The following SGMS2 variants were observed in gnomAD, a reference collection of about 807,000 sequenced individuals.
The protein encoded by SGMS2 is phosphatidylcholine:ceramide cholinephosphotransferase 2.
Under a neutral mutation model 43.8 loss-of-function variants are expected in SGMS2, and 21 were observed. The ratio of observed to expected loss-of-function variants is 0.48; its 90% confidence interval spans 0.34 to 0.69. The LOEUF is 0.69. Among genes scored for constraint, SGMS2 ranks in the 30% least tolerant of loss-of-function variants. The pLI, the probability that SGMS2 is intolerant of heterozygous loss-of-function variation, is 0.01. For missense variants in SGMS2, 384 were observed against 443.2 expected (o/e 0.87, Z 1.20); for synonymous variants, 167 against 160.6 (o/e 1.04, Z -0.30).
intron 2 of SGMS2, among the ~76,000 whole-genome samples, chr4:107,865,022 T>C (rs1214450744): frequency 6.6e-6 from 1 of 152,226 alleles, no homozygotes. Context: ...TGTATTAACA[T>C]TATTCATAAA....
chr4:107,860,035 C>T (rs74530157), intron 2 of SGMS2, among the ~76,000 whole-genome samples: 2,099 of 151,914 alleles, frequency 0.014, 43 homozygotes, highest in African/African-American at 0.048. Flanking sequence ...TCATACATTT[C>T]GCATTCACAG....
At chr4:107,907,083 G>C (rs1308733837) in intron 5 of SGMS2, 1 of 152,180 alleles carries the variant, frequency 6.6e-6, no homozygotes, top group Non-Finnish European at 1.5e-5. Context: ...AAGACTGCAA[G>C]AGTAAGGCCT....
intron 1 of SGMS2, among the ~76,000 whole-genome samples, chr4:107,846,622 A>G (rs1726837877): frequency 6.6e-6 from 1 of 151,872 alleles, no homozygotes; most frequent in Non-Finnish European, 1.5e-5. Flanking sequence ...CTTTGGGTAT[A>G]TACCCAGTAA....
At chr4:107,840,270 A>G (rs1726424722) in intron 1 of SGMS2, among the ~76,000 whole-genome samples, 1 of 152,174 alleles carries the variant, frequency 6.6e-6, no homozygotes, top group Non-Finnish European at 1.5e-5. Context: ...TGATTTCCTC[A>G]TGTTATGTTT....
intron 2 of SGMS2, among the ~76,000 whole-genome samples, chr4:107,875,300 A>G (rs1240799637): frequency 1.3e-5 from 2 of 152,202 alleles, no homozygotes; most frequent in African/African-American, 2.4e-5. Flanking sequence ...TATGGTACAT[A>G]TATACCATGG....
chr4:107,827,208 A>G (rs1725642052), intron 1 of SGMS2, among the ~76,000 whole-genome samples: 1 of 152,212 alleles, frequency 6.6e-6, no homozygotes, highest in Admixed American at 6.5e-5. Flanking sequence ...ACCCACCTTT[A>G]GCGTGTTGTC....
intron 1 of SGMS2, among the ~76,000 whole-genome samples, chr4:107,828,237 A>G (rs1056886556): frequency 6.6e-6 from 1 of 152,060 alleles, no homozygotes; most frequent in Non-Finnish European, 1.5e-5. Flanking sequence ...AGATAACACA[A>G]ACAGCTAACG....
intron 1 of SGMS2, among the ~76,000 whole-genome samples, chr4:107,837,711 A>G (rs1726271344): frequency 1.3e-5 from 2 of 152,114 alleles, no homozygotes; most frequent in African/African-American, 2.4e-5. Flanking sequence ...AGCAGAAGCA[A>G]GGAGATGGTT....
chr4:107,898,090 T>C (rs552820863), intron 3 of SGMS2, among the ~76,000 whole-genome samples: 2 of 152,320 alleles, frequency 1.3e-5, no homozygotes, highest in Admixed American at 6.5e-5. Flanking sequence ...AACCTGAGGT[T>C]GGATCAAAGG....
chr4:107,896,418 A>C (rs1319870383), intron 3 of SGMS2, among the ~76,000 whole-genome samples: 1 of 152,158 alleles, frequency 6.6e-6, no homozygotes, highest in Non-Finnish European at 1.5e-5. Flanking sequence ...TTTTTTCTCC[A>C]TTACTCATAA....
At chr4:107,889,604 A>T (rs890311666) in intron 2 of SGMS2, among the ~76,000 whole-genome samples, 4 of 152,148 alleles carry the variant, frequency 2.6e-5, no homozygotes, top group Non-Finnish European at 4.4e-5. Context: ...CACAACATAT[A>T]AATGCATAGA....
chr4:107,862,971 T>C (rs754497029), intron 2 of SGMS2, among the ~76,000 whole-genome samples: 7 of 152,210 alleles, frequency 4.6e-5, no homozygotes, highest in Non-Finnish European at 8.8e-5. Context: ...ACCTAGAGCT[T>C]CTCGCTTATG....
intron 2 of SGMS2, among the ~76,000 whole-genome samples, chr4:107,870,351 G>A (rs1265506874): frequency 1.3e-5 from 2 of 152,140 alleles, no homozygotes; most frequent in African/African-American, 4.8e-5. Flanking sequence ...GAGGGAGTTT[G>A]AAGTCGGGTA....
At chr4:107,888,805 T>C (rs4088960) in intron 2 of SGMS2, among the ~76,000 whole-genome samples, 71,383 of 151,840 alleles carry the variant, frequency 0.47, 17,518 homozygotes, top group East Asian at 0.72. Flanking sequence ...TAATGAAATA[T>C]CTATTATTTA....
intron 6 of SGMS2, among the ~76,000 whole-genome samples, chr4:107,909,109 A>ATT (rs113023546): frequency 0.012 from 1,727 of 145,486 alleles, 22 homozygotes; most frequent in African/African-American, 0.033. Flanking sequence ...ATTTTTTTTA[A>ATT]TTTTTTTTTT....
rs1266711722 is a variant in SGMS2, at chr4:107,911,406, AAC to A, written c.*856_*857del. On this transcript the variant is annotated 3_prime_UTR_variant, in exon 7 of 7. Transcript: ENST00000690982. ...GTCAACTCTTCTAGCACAGGCTGAA[AAC>A]ACGTGTGTGTCAACTGAGGTTCACA... is the stretch of plus-strand genomic sequence containing the variant. The A allele has an allele frequency of 1.3e-5, 2 of 152,216 alleles. No individual in the cohort carries two copies. The highest frequency in any genetic ancestry group is 4.8e-5 in the African/African-American group (2 of 41,466). 9.4% of individuals were successfully genotyped at this position (152,216 alleles called of 1,614,324 possible). A position where few individuals can be genotyped will look rare whatever the true frequency, so the allele number is the denominator to read the frequency against.
intron 2 of SGMS2, among the ~76,000 whole-genome samples, chr4:107,883,629 G>GT (rs1376127312): frequency 1.3e-5 from 2 of 152,204 alleles, no homozygotes; most frequent in East Asian, 3.9e-4. Context: ...AGTTACTATG[G>GT]TATCACACAT....
At chr4:107,833,407 TTG>T (rs1726000267) in intron 1 of SGMS2, among the ~76,000 whole-genome samples, 1 of 152,152 alleles carries the variant, frequency 6.6e-6, no homozygotes. Context: ...TATGAATCTG[TTG>T]TGTTACACAG....
At chr4:107,907,974 C>G (rs1373841703) in intron 5 of SGMS2, 1 of 152,372 alleles carries the variant, frequency 6.6e-6, no homozygotes, top group Non-Finnish European at 1.5e-5. Context: ...GTTAGGAACC[C>G]TAACCTTTAC....
Sources: allele counts gnomAD v4.1 joint callset (sites outside exome capture counted in the v4.1 genomes callset), GRCh38; gene constraint gnomAD v4.1.1; transcripts MANE v1.5; gene names NCBI Gene and HGNC (gene_info 2026-07-23, HGNC 2026-07-21).